Variants in ZBTB16 observed in about 807,000 individuals in gnomAD.
ZBTB16 encodes zinc finger and BTB domain containing 16.
A neutral mutation model predicts 56.8 loss-of-function variants in ZBTB16; 8 were observed. The ratio of observed to expected loss-of-function variants is 0.14; its 90% CI spans 0.08 to 0.25. The LOEUF (loss-of-function observed/expected upper bound fraction) is 0.25, where lower values mean the gene tolerates loss of function less well. Among genes scored for constraint, ZBTB16 ranks in the 10% least tolerant of loss-of-function variants. The pLI is 1.00. For synonymous variants in ZBTB16, 363 were observed against 368.5 expected (o/e 0.98, Z 0.17); for missense variants, 625 against 903.0 (o/e 0.69, Z 3.95).
At chr11:114,190,720 C>G (rs1943470469) in intron 4 of ZBTB16, among the ~76,000 whole-genome samples, 1 of 128,886 alleles carries the variant, frequency 7.8e-6, no homozygotes, top group South Asian at 2.4e-4. Flanking sequence ...CTCATGCCAC[C>G]TCTCTCTCAT....
Position 114,063,618 on chromosome 11 carries a change from C to T in ZBTB16, c.318C>T (p.Ala106=), listed in dbSNP as rs367557148. ...ACCTGGATGACCTGCTGTATGCGGC[C>T]GAGATCCTGGAGATCGAGTACCTGG... is the stretch of plus-strand genomic sequence containing the variant. ...AEDLDDLLYA[A]EILEIEYLEE... is the part of the protein sequence containing the mutation. The change falls in exon 2 of 7, where the codon GCC becomes GCT. Residue 106 remains alanine, a synonymous_variant. Transcript: ENST00000335953. The surrounding 1 kb of genome is among the most constrained non-coding windows in gnomAD (Gnocchi z 6.5). 348 of 1,614,150 alleles carry T rather than the reference C, an allele frequency of 2.2e-4. 1 individual carries two copies. The highest frequency in any genetic ancestry group is 3.3e-4 in the Middle Eastern group (2 of 6,062).
At chr11:114,137,538 A>T (rs771753973) in intron 2 of ZBTB16, among the ~76,000 whole-genome samples, 37 of 152,180 alleles carry the variant, frequency 2.4e-4, no homozygotes, top group Non-Finnish European at 5.0e-4. Flanking sequence ...TATTTATATG[A>T]CTAGACTTGA....
At chr11:114,146,018 GATGGACA>G (rs1942089371) in intron 2 of ZBTB16, among the ~76,000 whole-genome samples, 1 of 152,184 alleles carries the variant, frequency 6.6e-6, no homozygotes, top group South Asian at 2.1e-4. Flanking sequence ...AAATTGCGTT[GATGGACA>G]ACCTACCTAG....
chr11:114,240,841 G>A (rs563062436), intron 4 of ZBTB16, among the ~76,000 whole-genome samples: 2 of 152,202 alleles, frequency 1.3e-5, no homozygotes, highest in Non-Finnish European at 2.9e-5. Flanking sequence ...CACATCACTC[G>A]CTAGCTTTCA....
rs1447564975 is a variant in ZBTB16 at position 114,086,320 on chromosome 11, C to T, written c.1268+21752C>T. On this transcript the variant is annotated intron_variant, in intron 2 of 6. Coordinates refer to ENST00000335953, the MANE Select transcript of ZBTB16 (RefSeq NM_006006.6). ...GCACTTGGATTGTCCTTCTTTTTCT[C>T]CTTGGTGTCTCTCATCCTGTCCAGC... 2.0e-5 allele frequency among the ~76,000 whole-genome samples: 3 copies of T among 151,982 alleles called. No individual in the cohort carries two copies. The East Asian group carries it at 5.8e-4, about 29-fold the overall frequency.
chr11:114,121,278 G>A (rs1184286945), intron 2 of ZBTB16, among the ~76,000 whole-genome samples: 2 of 152,204 alleles, frequency 1.3e-5, no homozygotes, highest in African/African-American at 4.8e-5. Flanking sequence ...TGAAGGCGGA[G>A]TTGAGAAAAG....
At chr11:114,209,656 T>A in intron 4 of ZBTB16, 1 of 985,392 alleles carries the variant, frequency 1.0e-6, no homozygotes, top group Non-Finnish European at 1.2e-6. Context: ...CAACCAGGGT[T>A]AAGGAAGAGA....
intron 2 of ZBTB16, among the ~76,000 whole-genome samples, chr11:114,119,455 T>TC (rs1296797479): frequency 6.6e-6 from 1 of 151,894 alleles, no homozygotes; most frequent in Non-Finnish European, 1.5e-5. Flanking sequence ...CTGCTGGATT[T>TC]CCCACCAGGA....
At chr11:114,095,539 C>T (rs1018771735) in intron 2 of ZBTB16, among the ~76,000 whole-genome samples, 12 of 152,120 alleles carry the variant, frequency 7.9e-5, no homozygotes, top group Non-Finnish European at 1.8e-4. Flanking sequence ...GGATTACAGG[C>T]GTGAGCCACC....
At position 114,209,408 on chromosome 11, in the gene ZBTB16, A is replaced by G. The variant is rs916825313; in HGVS notation, c.1453+22370A>G. Reference sequence around the variant, plus strand: ...TGGGATTTGTGGAGGGAGGAAGGATATAAAAGGGCAAAAACAGGAGACCCC... The same window carrying G: ...TGGGATTTGTGGAGGGAGGAAGGATGTAAAAGGGCAAAAACAGGAGACCCC... On this transcript the variant is annotated intron_variant, in intron 4 of 6. Coordinates refer to ENST00000335953, the MANE Select transcript of ZBTB16 (RefSeq NM_006006.6). The G allele has an allele frequency of 8.1e-6, 8 of 985,278 alleles. No individual in the cohort carries two copies. The African/African-American group carries it at 1.4e-4, about 17-fold the overall frequency. 61.0% of individuals were successfully genotyped at this position (985,278 alleles called of 1,614,324 possible).
chr11:114,144,300 C>A lies in ZBTB16; in HGVS notation c.1269-12037C>A, dbSNP rs147054113. 2.0e-5 allele frequency among the ~76,000 whole-genome samples: 3 copies of A among 152,280 alleles called. No individual in the cohort carries two copies. In the East Asian group the frequency reaches 5.8e-4, roughly 29 times the overall value. On this transcript the variant is annotated intron_variant, in intron 2 of 6. Transcript: ENST00000335953. Reference sequence around the variant, plus strand: ...TTGCCACCAACCCCTGTCCTTTTCACACAAAGCTCCCTGTTGGGAAAACTC... The same window carrying A: ...TTGCCACCAACCCCTGTCCTTTTCAAACAAAGCTCCCTGTTGGGAAAACTC...
chr11:114,116,732 A>G (rs1941185985), intron 2 of ZBTB16, among the ~76,000 whole-genome samples: 1 of 152,238 alleles, frequency 6.6e-6, no homozygotes, highest in Non-Finnish European at 1.5e-5. Flanking sequence ...AAGATAGAAT[A>G]AAACATGTTC....
chr11:114,061,384 C>G (rs1054443839), intron 1 of ZBTB16: 1 of 152,222 alleles, frequency 6.6e-6, no homozygotes. Context: ...TCAGAAACCC[C>G]GATGTCTGCG....
At chr11:114,222,320 A>G (rs964978713) in intron 4 of ZBTB16, among the ~76,000 whole-genome samples, 2 of 152,172 alleles carry the variant, frequency 1.3e-5, no homozygotes, top group Non-Finnish European at 2.9e-5. Flanking sequence ...TGAAAGTCAC[A>G]GCTCCCCCAA....
chr11:114,097,882 T>G (rs1940475025), intron 2 of ZBTB16, among the ~76,000 whole-genome samples: 1 of 152,234 alleles, frequency 6.6e-6, no homozygotes, highest in Non-Finnish European at 1.5e-5. Context: ...ATCTGTGGCC[T>G]TACAACACAG....
chr11:114,152,669 G>A (rs910416795), intron 2 of ZBTB16, among the ~76,000 whole-genome samples: 1 of 152,202 alleles, frequency 6.6e-6, no homozygotes, highest in African/African-American at 2.4e-5. Context: ...ATGGAGATGC[G>A]TGGGCTGTAC....
intron 2 of ZBTB16, among the ~76,000 whole-genome samples, chr11:114,102,340 G>T (rs908996260): frequency 1.6e-4 from 25 of 152,194 alleles, no homozygotes; most frequent in African/African-American, 6.0e-4. Context: ...TGAGGCTGCT[G>T]AACTGCTATT....
At chr11:114,120,078 G>T (rs1487554492) in intron 2 of ZBTB16, among the ~76,000 whole-genome samples, 1 of 152,202 alleles carries the variant, frequency 6.6e-6, no homozygotes, top group Admixed American at 6.5e-5. Flanking sequence ...TTGTCTGGAG[G>T]CAGTGGAATG....
chr11:114,201,563 G>T (rs1272464138), intron 4 of ZBTB16, among the ~76,000 whole-genome samples: 1 of 152,132 alleles, frequency 6.6e-6, no homozygotes, highest in Non-Finnish European at 1.5e-5. Context: ...GATGCTGATT[G>T]CAACACTATT....
Sources: allele counts gnomAD v4.1 joint callset (sites outside exome capture counted in the v4.1 genomes callset), GRCh38; gene constraint gnomAD v4.1.1; non-coding constraint Gnocchi (gnomAD v3.1); transcripts MANE v1.5; gene names NCBI Gene and HGNC (gene_info 2026-07-23, HGNC 2026-07-21).